NAALADL2: variants seen among roughly 807,000 people sequenced by gnomAD.
NAALADL2 encodes the protein inactive N-acetylated-alpha-linked acidic dipeptidase-like protein 2.
Under a neutral mutation model 87.2 loss-of-function variants are expected in NAALADL2, and 76 were observed. The ratio of observed to expected loss-of-function variants is 0.87; its 90% CI spans 0.72 to 1.05. NAALADL2 has a LOEUF of 1.05. NAALADL2 is among the 50% of genes least tolerant of loss of function. The pLI, the probability that NAALADL2 is intolerant of heterozygous loss-of-function variation, is 0.00. For synonymous variants in NAALADL2, 354 were observed against 331.0 expected (o/e 1.07, Z -0.75); for missense variants, 1,089 against 945.8 (o/e 1.15, Z -1.99).
In NAALADL2 at chr3:174,758,574, C is replaced by T. The variant is rs1023377580; in HGVS notation, c.-9+20828C>T. Among the ~76,000 whole-genome samples the T allele has an allele frequency of 7.2e-5, 11 of 152,316 alleles. No homozygotes were observed. The East Asian group carries it at 2.1e-3, about 29-fold the overall frequency. On this transcript the variant is annotated intron_variant, in intron 3 of 3. Transcript: ENST00000434257. ...GGATGAGTGCTTGTGAAAGGGAAGC[C>T]TCAGGCTTAGAAGATATTTTCCTCC...
intron 1 of NAALADL2, among the ~76,000 whole-genome samples, chr3:174,952,290 A>G (rs1177055529): frequency 1.3e-5 from 2 of 152,154 alleles, no homozygotes; most frequent in Admixed American, 1.3e-4. Context: ...TATCCAATAC[A>G]TATTTGTCTC....
intron 2 of NAALADL2, among the ~76,000 whole-genome samples, chr3:175,207,291 C>T (rs938775410): frequency 1.3e-5 from 2 of 151,548 alleles, no homozygotes; most frequent in African/African-American, 4.8e-5. Flanking sequence ...GGGAGGCAAA[C>T]CACAGGTGTG....
chr3:175,164,233 A>G (rs1272836747), intron 2 of NAALADL2, among the ~76,000 whole-genome samples: 1 of 151,960 alleles, frequency 6.6e-6, no homozygotes, highest in Non-Finnish European at 1.5e-5. Context: ...TGAGTAACGC[A>G]TTTTTATTCC....
chr3:175,250,068 G>A (rs1748741881), intron 3 of NAALADL2, among the ~76,000 whole-genome samples: 1 of 151,880 alleles, frequency 6.6e-6, no homozygotes, highest in South Asian at 2.1e-4. Flanking sequence ...ACTCAGGAAG[G>A]CTGAGGCAGG....
At chr3:174,442,446 A>G (rs1388069441) in intron 1 of NAALADL2, among the ~76,000 whole-genome samples, 6 of 152,158 alleles carry the variant, frequency 3.9e-5, no homozygotes, top group African/African-American at 1.4e-4. Context: ...TGGGAAATGT[A>G]AAAGTAACTC....
chr3:174,502,233 C>A (rs1718943209), intron 1 of NAALADL2, among the ~76,000 whole-genome samples: 1 of 152,096 alleles, frequency 6.6e-6, no homozygotes, highest in African/African-American at 2.4e-5. Flanking sequence ...GTCTGATTTG[C>A]AAAGTATACA....
At chr3:174,882,647 A>G (rs951124472) in intron 1 of NAALADL2, among the ~76,000 whole-genome samples, 1 of 148,376 alleles carries the variant, frequency 6.7e-6, no homozygotes, top group East Asian at 2.0e-4. Context: ...ACATATGTGC[A>G]TATACACATA....
chr3:174,614,911 A>T (rs1363937855), intron 2 of NAALADL2, among the ~76,000 whole-genome samples: 1 of 152,162 alleles, frequency 6.6e-6, no homozygotes, highest in Non-Finnish European at 1.5e-5. Context: ...GGGAAATTTT[A>T]TACTATAATG....
intron 3 of NAALADL2, among the ~76,000 whole-genome samples, chr3:174,766,331 T>C (rs1713798393): frequency 6.6e-6 from 1 of 152,236 alleles, no homozygotes; most frequent in Admixed American, 6.5e-5. Flanking sequence ...TAATGTGTCC[T>C]GACAGCTACT....
intron 2 of NAALADL2, among the ~76,000 whole-genome samples, chr3:175,188,019 C>A (rs1737600228): frequency 6.6e-6 from 1 of 152,046 alleles, no homozygotes; most frequent in African/African-American, 2.4e-5. Context: ...ATGCTGTTAG[C>A]CGTTGTGGAT....
chr3:174,999,817 A>G (rs905899276), intron 1 of NAALADL2, among the ~76,000 whole-genome samples: 2 of 152,144 alleles, frequency 1.3e-5, no homozygotes, highest in African/African-American at 2.4e-5. Flanking sequence ...ATTAAACTAC[A>G]TAAACATAGA....
At chr3:175,756,101 A>G (rs1747235869) in intron 13 of NAALADL2, among the ~76,000 whole-genome samples, 1 of 152,160 alleles carries the variant, frequency 6.6e-6, no homozygotes, top group African/African-American at 2.4e-5. Context: ...AAACCACGTC[A>G]TTAAAACCAC....
chr3:174,814,737 T>C (rs896979846), intron 3 of NAALADL2, among the ~76,000 whole-genome samples: 1 of 152,166 alleles, frequency 6.6e-6, no homozygotes, highest in African/African-American at 2.4e-5. Flanking sequence ...TGGGCAGATA[T>C]CTTCCAAAAG....
intron 4 of NAALADL2, among the ~76,000 whole-genome samples, chr3:175,292,854 G>A (rs888751268): frequency 1.7e-4 from 26 of 151,784 alleles, no homozygotes; most frequent in African/African-American, 6.0e-4. Context: ...TGGCTAACAC[G>A]GTGAAACCCC....
chr3:175,723,724 C>A (rs1742549647), intron 11 of NAALADL2, among the ~76,000 whole-genome samples: 1 of 152,068 alleles, frequency 6.6e-6, no homozygotes, highest in African/African-American at 2.4e-5. Context: ...GGATCCCTTG[C>A]AACATAATCA....
intron 1 of NAALADL2, among the ~76,000 whole-genome samples, chr3:174,879,901 T>G (rs1045832288): frequency 3.3e-5 from 5 of 152,104 alleles, no homozygotes; most frequent in African/African-American, 1.2e-4. Context: ...TCTTCCTGCT[T>G]GATCTATGAG....
Position 175,804,488 on chromosome 3 carries a change from C to T in NAALADL2, c.*1285C>T, listed in dbSNP as rs1287569150. On this transcript the variant is annotated 3_prime_UTR_variant, in exon 14 of 14. Coordinates refer to ENST00000454872, the MANE Select transcript of NAALADL2 (RefSeq NM_207015.3). ...CCCTAAAATTCTACCTATTAGGTGT[C>T]AGGTTAAAGTTCTAATTTATCTTTA... 2 of 151,774 alleles carry T rather than the reference C, an allele frequency of 1.3e-5. No individual in the cohort carries two copies. Among genetic ancestry groups the T allele is most frequent in the Admixed American group, 6.6e-5 (1 of 15,192 alleles). The allele number at this position is 151,774 out of a possible 1,614,324, so 9.4% of individuals were successfully genotyped here.
intron 12 of NAALADL2, among the ~76,000 whole-genome samples, chr3:175,752,751 T>A (rs1746770272): frequency 6.6e-6 from 1 of 152,270 alleles, no homozygotes; most frequent in Non-Finnish European, 1.5e-5. Flanking sequence ...TAAGGTAGAA[T>A]GATACAATTT....
intron 1 of NAALADL2, among the ~76,000 whole-genome samples, chr3:175,072,935 T>G (rs79923599): frequency 0.11 from 16,999 of 152,002 alleles, 1,079 homozygotes; most frequent in East Asian, 0.21. Context: ...AATGAAAATT[T>G]ATATGCATGC....
Sources: allele counts gnomAD v4.1 joint callset (sites outside exome capture counted in the v4.1 genomes callset), GRCh38; gene constraint gnomAD v4.1.1; transcripts MANE v1.5; gene names NCBI Gene and HGNC (gene_info 2026-07-23, HGNC 2026-07-21).